JAK3: variants seen among roughly 807,000 people sequenced by gnomAD.
JAK3 encodes tyrosine-protein kinase JAK3.
A neutral mutation model predicts 120.8 loss-of-function variants in JAK3; 88 were observed. That is an observed-to-expected ratio of 0.73 (90% confidence interval 0.61 to 0.87). The LOEUF (loss-of-function observed/expected upper bound fraction) is 0.87, where lower values mean the gene tolerates loss of function less well. Ranked by LOEUF, JAK3 falls within the 40% of genes least tolerant of loss-of-function variation. The pLI, the probability that JAK3 is intolerant of heterozygous loss-of-function variation, is 0.00. For missense variants in JAK3, 1,254 were observed against 1,501.4 expected (o/e 0.84, Z 2.72); for synonymous variants, 592 against 628.6 (o/e 0.94, Z 0.87).
At chr19:17,828,851 A>G (rs150496725) in intron 23 of JAK3, among the ~76,000 whole-genome samples, 1,575 of 152,290 alleles carry the variant, frequency 0.01, 24 homozygotes, top group African/African-American at 0.035. Context: ...GGTTATGATT[A>G]TATGATTATA....
At position 17,837,970 on chromosome 19, in the gene JAK3, G is replaced by A. The variant is rs765187335; in HGVS notation, c.1663C>T (p.Leu555=). 6.2e-7 allele frequency: 1 copy of A among 1,614,096 alleles called. No individual in the cohort carries two copies. Among genetic ancestry groups the A allele is most frequent in the Non-Finnish European group, 8.5e-7 (1 of 1,180,030 alleles). ...TTGTGCTTGGCATCCATGACCTTCA[G>A]CAGCACCTCTGTCTTTCGGGCCTCC... ...DGEARKTEVL[L]KVMDAKHKNC... is the part of the protein sequence containing the mutation. The change falls in exon 12 of 24, where the codon CTG becomes TTG. Residue 555 remains leucine (L), a synonymous_variant. Coordinates refer to ENST00000458235, the MANE Select transcript of JAK3 (RefSeq NM_000215.4).
rs757613147 is a variant in JAK3, at chr19:17,825,111, G to C, written c.*1632C>G. 4.4e-6 allele frequency: 1 copy of C among 229,496 alleles called. No homozygotes were observed. The highest frequency in any genetic ancestry group is 5.7e-5 in the Admixed American group (1 of 17,638). 14.2% of individuals were successfully genotyped at this position (229,496 alleles called of 1,614,324 possible). A position where few individuals can be genotyped will look rare whatever the true frequency, so the allele number is the denominator to read the frequency against. On this transcript the variant is annotated 3_prime_UTR_variant, in exon 24 of 24. Transcript: ENST00000458235. ...GCATGAGAATCCCTCTCACCAGTCA[G>C]AAAGTTGACCCTGCACAGCCAAGGG...
At chr19:17,828,761 C>T (rs1052231989) in intron 23 of JAK3, among the ~76,000 whole-genome samples, 1 of 152,194 alleles carries the variant, frequency 6.6e-6, no homozygotes, top group Non-Finnish European at 1.5e-5. Context: ...TCCTGGCACA[C>T]AGTTGGCACT....
Position 17,832,633 on chromosome 19 carries a change from G to T in JAK3, c.2566C>A (p.Gln856Lys). 6.2e-7 allele frequency: 1 copy of T among 1,614,234 alleles called. No individual in the cohort carries two copies. The highest frequency in any genetic ancestry group is 8.5e-7 in the Non-Finnish European group (1 of 1,180,048). Residue 856 changes from glutamine to lysine, a missense_variant, in exon 19 of 24, where the codon CAG becomes AAG. By Grantham distance (53) the Gln-to-Lys change is moderately conservative. Transcript: ENST00000458235. The surrounding 1 kb of genome is among the most constrained non-coding windows in gnomAD (Gnocchi z 4.7). ...DNTGALVAVKQLQHSGPDQQR... is the reference protein window; with the variant it reads ...DNTGALVAVKKLQHSGPDQQR... Reference sequence around the variant, plus strand: ...TGGTCTGGCCCGCTGTGCTGCAGCTGTTTCACGGCCACCAGGGCACCTGTA... The same window carrying T: ...TGGTCTGGCCCGCTGTGCTGCAGCTTTTTCACGGCCACCAGGGCACCTGTA...
chr19:17,837,053 G>A (rs1158478478), intron 13 of JAK3, 76 bp downstream of exon 13: 1 of 920,152 alleles, frequency 1.1e-6, no homozygotes, highest in Non-Finnish European at 1.6e-6. Flanking sequence ...TCATATAGCG[G>A]CTCAGAACAG....
rs921109794 is a variant in JAK3, at chr19:17,844,500, T to G, written c.-13-70A>C. On this transcript the variant is annotated intron_variant, in intron 1 of 23. Coordinates refer to ENST00000458235, the MANE Select transcript of JAK3 (RefSeq NM_000215.4). ...ATTGGACTTCTGAGCAGGGAGGGCA[T>G]GGAAAGGAGTGCTGGAGGCCGGGTG... The G allele has an allele frequency of 3.6e-6, 5 of 1,401,628 alleles. No homozygotes were observed. The East Asian group carries it at 1.2e-4, about 35-fold the overall frequency. 86.8% of individuals were successfully genotyped at this position (1,401,628 alleles called of 1,614,324 possible).
Position 17,842,553 on chromosome 19 carries a change from C to T in JAK3, c.624G>A (p.Val208=). The T allele has an allele frequency of 1.9e-6, 3 of 1,587,212 alleles. No individual in the cohort carries two copies. Among genetic ancestry groups the T allele is most frequent in the Non-Finnish European group, 2.6e-6 (3 of 1,167,380 alleles). ...CCGTCCTCCGAATACGCCTCCGCGT[C>T]ACGAAGCTCAGGCCCTGGATCAGGT... ...LRDLIQGLSF[V]TRRRIRRTVR... Residue 208 remains valine, a synonymous_variant, in exon 6 of 24, where the codon GTG becomes GTA. Transcript: ENST00000458235. This position sits in a 1 kb window ranked among gnomAD's most constrained non-coding sequence, Gnocchi z 6.4.
Position 17,825,256 on chromosome 19 carries a change from C to G in JAK3, c.*1487G>C, listed in dbSNP as rs942131845. On this transcript the variant is annotated 3_prime_UTR_variant, in exon 24 of 24. Transcript: ENST00000458235. ...AGGCTCCAATACTTGGGCTCTTAAC[C>G]TCCTTACTCTGAGCCTTCTCACGCT... is the stretch of plus-strand genomic sequence containing the variant. 4.4e-6 allele frequency: 1 copy of G among 229,436 alleles called. No individual in the cohort carries two copies. The highest frequency in any genetic ancestry group is 2.2e-5 in the African/African-American group (1 of 45,130). 14.2% of individuals were successfully genotyped at this position (229,436 alleles called of 1,614,324 possible).
Position 17,826,408 on chromosome 19 carries a change from A to T in JAK3, c.*335T>A, listed in dbSNP as rs983123054. ...TCAAAAATAAAAATAAAAATAAAAA[A>T]AATAAAAAGAGAGAGACAGAAAAGG... On this transcript the variant is annotated 3_prime_UTR_variant, in exon 24 of 24. Transcript: ENST00000458235. 3.8e-5 allele frequency: 12 copies of T among 318,790 alleles called. No individual in the cohort carries two copies. Among genetic ancestry groups the T allele is most frequent in the East Asian group, 1.9e-4 (4 of 20,926 alleles). 19.7% of individuals were successfully genotyped at this position (318,790 alleles called of 1,614,324 possible). A position where few individuals can be genotyped will look rare whatever the true frequency, so the allele number is the denominator to read the frequency against.
Position 17,835,222 on chromosome 19 carries a change from G to T in JAK3, c.1915-7C>A, listed in dbSNP as rs2094222056. 2 of 1,613,442 alleles carry T rather than the reference G, an allele frequency of 1.2e-6. No homozygotes were observed. Among genetic ancestry groups the T allele is most frequent in the South Asian group, 2.2e-5 (2 of 91,080 alleles). ...GGGGCAGGCCTTTGTCCTCCTAAGG[G>T]GGCCAGACACAGGAAAATGCCCGGG... On this transcript the variant is annotated splice_region_variant and splice_polypyrimidine_tract_variant and intron_variant, in intron 14 of 23. Transcript: ENST00000458235.
chr19:17,845,859 C>T (rs890350641), intron 1 of JAK3, among the ~76,000 whole-genome samples: 6 of 152,126 alleles, frequency 3.9e-5, no homozygotes, highest in Admixed American at 1.3e-4. Flanking sequence ...GAGTCTAGCT[C>T]TGTCATCCAG....
In JAK3 at chr19:17,824,993, G is replaced by T. The variant is rs1033180422; in HGVS notation, c.*1750C>A. ...GAGGGAAGGCTGCAAGGATGTGGTA[G>T]CTGGAGTTTTGAGAGATGGATAAGA... is the stretch of plus-strand genomic sequence containing the variant. On this transcript the variant is annotated 3_prime_UTR_variant, in exon 24 of 24. Coordinates refer to ENST00000458235, the MANE Select transcript of JAK3 (RefSeq NM_000215.4). 9.0e-6 allele frequency: 2 copies of T among 223,380 alleles called. No homozygotes were observed. Among genetic ancestry groups the T allele is most frequent in the Non-Finnish European group, 1.8e-5 (2 of 111,836 alleles). The allele number at this position is 223,380 out of a possible 1,614,324, so 13.8% of individuals were successfully genotyped here. A position where few individuals can be genotyped will look rare whatever the true frequency, so the allele number is the denominator to read the frequency against.
chr19:17,839,301 A>C, intron 10 of JAK3, 176 bp downstream of exon 10: 1 of 710,150 alleles, frequency 1.4e-6, no homozygotes, highest in Non-Finnish European at 2.5e-6. Flanking sequence ...TGCCTAGATC[A>C]AGCCAGACCT....
intron 23 of JAK3, among the ~76,000 whole-genome samples, chr19:17,828,415 C>T (rs979100577): frequency 2.2e-4 from 34 of 152,042 alleles, no homozygotes; most frequent in Admixed American, 1.6e-3. Flanking sequence ...GTCACCACAC[C>T]GGCTATTGCT....
intron 9 of JAK3, 81 bp downstream of exon 9, chr19:17,840,149 G>T: frequency 2.1e-6 from 2 of 948,228 alleles, no homozygotes; most frequent in Non-Finnish European, 1.7e-6. Context: ...GGAACCAAAT[G>T]CTGACTGATC....
At chr19:17,847,880 CAT>C in intron 1 of JAK3, 64 bp downstream of exon 1, 3 of 798,414 alleles carry the variant, frequency 3.8e-6, no homozygotes, top group Non-Finnish European at 4.6e-6. Flanking sequence ...CCAGCCCAGC[CAT>C]CCCCCGCCAC....
At chr19:17,833,994 A>G (rs980708089) in intron 17 of JAK3, among the ~76,000 whole-genome samples, 4 of 152,096 alleles carry the variant, frequency 2.6e-5, no homozygotes, top group Admixed American at 6.6e-5. Context: ...CAAGCGATCC[A>G]CCTACCTATA....
rs1252185973 is a variant in JAK3 at position 17,843,243 on chromosome 19, C to T, written c.421-71G>A. On this transcript the variant is annotated intron_variant, in intron 4 of 23. Coordinates refer to ENST00000458235, the MANE Select transcript of JAK3 (RefSeq NM_000215.4). This position sits in a 1 kb window ranked among gnomAD's most constrained non-coding sequence, Gnocchi z 5.4. ...AAGCCCTGTTGTTAACCTGCAGACC[C>T]CCCCAATCCTGGGCTGACCCCCACC... 30 of 1,555,030 alleles carry T rather than the reference C, an allele frequency of 1.9e-5. No homozygotes were observed. Among genetic ancestry groups the T allele is most frequent in the Non-Finnish European group, 2.6e-5 (30 of 1,149,330 alleles).
chr19:17,838,156 G>C (rs2147687998), intron 11 of JAK3, 93 bp from the exon 12 acceptor site: 1 of 1,611,444 alleles, frequency 6.2e-7, no homozygotes, highest in Non-Finnish European at 8.5e-7. Context: ...CCATTTTACA[G>C]ATGGGAAAAC....
Sources: gnomAD v4.1 joint callset for allele counts (sites outside exome capture counted in the v4.1 genomes callset) on GRCh38, gnomAD v4.1.1 for gene constraint, Gnocchi (gnomAD v3.1) non-coding constraint, MANE v1.5 for transcripts, NCBI Gene and HGNC (gene_info 2026-07-23, HGNC 2026-07-21) for gene names.